Variants in COL5A2 observed in about 807,000 individuals in gnomAD.
COL5A2 encodes the protein collagen type V alpha 2 chain.
In COL5A2, 23 loss-of-function variants were observed where a neutral mutation model predicts 208.2. The observed-to-expected ratio is 0.11, with a 90% CI of 0.08 to 0.16. COL5A2 has a LOEUF of 0.16. Among genes scored for constraint, COL5A2 ranks in the 10% least tolerant of loss-of-function variants. COL5A2 has a pLI of 1.00. For synonymous variants in COL5A2, 625 were observed against 628.5 expected, an observed-to-expected ratio of 0.99 and a Z score of 0.08; for missense variants, 1,590 against 1,956.4, an observed-to-expected ratio of 0.81 and a Z score of 3.53.
intron 3 of COL5A2, 148 bp downstream of exon 3, chr2:189,104,116 G>A: frequency 1.5e-6 from 1 of 661,566 alleles, no homozygotes; most frequent in Non-Finnish European, 2.8e-6. Flanking sequence ...CACAGTAGCT[G>A]AACTGTGCTT....
chr2:189,147,209 C>T (rs1021434256), intron 1 of COL5A2, among the ~76,000 whole-genome samples: 2 of 152,072 alleles, frequency 1.3e-5, no homozygotes, highest in Admixed American at 6.6e-5. Context: ...GCCAAAAATG[C>T]ATTGTTATAT....
the COL5A2 span, among the ~76,000 whole-genome samples, chr2:189,296,307 A>G: frequency 6.6e-6 from 1 of 152,138 alleles, no homozygotes; most frequent in Non-Finnish European, 1.5e-5. Flanking sequence ...TACAGTTTCC[A>G]AATTCTCAAA....
the COL5A2 span, among the ~76,000 whole-genome samples, chr2:189,234,284 A>G: frequency 2.0e-5 from 3 of 151,662 alleles, no homozygotes; most frequent in African/African-American, 7.3e-5. Flanking sequence ...TGAAATCATT[A>G]TTATGGTATT....
the COL5A2 span, among the ~76,000 whole-genome samples, chr2:189,416,644 T>C: frequency 0.033 from 5,091 of 152,270 alleles, 128 homozygotes; most frequent in Non-Finnish European, 0.053. Flanking sequence ...CACACCAACA[T>C]GGCGTATGTA....
chr2:189,253,299 C>T, the COL5A2 span, among the ~76,000 whole-genome samples: 1 of 152,162 alleles, frequency 6.6e-6, no homozygotes, highest in African/African-American at 2.4e-5. Context: ...CTGTCTTGCC[C>T]AATTACTAGT....
At chr2:189,374,562 T>C in the COL5A2 span, among the ~76,000 whole-genome samples, 3 of 152,160 alleles carry the variant, frequency 2.0e-5, no homozygotes, top group Non-Finnish European at 4.4e-5. Flanking sequence ...TTATCAAAGA[T>C]CTACTTTTTA....
chr2:189,342,828 G>T, the COL5A2 span, among the ~76,000 whole-genome samples: 1 of 151,956 alleles, frequency 6.6e-6, no homozygotes, highest in Non-Finnish European at 1.5e-5. Flanking sequence ...AGCAAACACA[G>T]TGTGAAATCA....
the COL5A2 span, among the ~76,000 whole-genome samples, chr2:189,282,055 G>GGC: frequency 1.3e-4 from 20 of 152,098 alleles, no homozygotes; most frequent in Admixed American, 1.3e-3. Context: ...CGTAGTGGTG[G>GGC]GCACCTGTAA....
At chr2:189,077,416 T>C (rs1686431271) in intron 16 of COL5A2, among the ~76,000 whole-genome samples, 2 of 152,156 alleles carry the variant, frequency 1.3e-5, no homozygotes, top group African/African-American at 4.8e-5. Flanking sequence ...GGATACACTG[T>C]CTCGTGATAT....
intron 1 of COL5A2, among the ~76,000 whole-genome samples, chr2:189,209,794 T>C (rs1689189423): frequency 6.6e-6 from 1 of 152,238 alleles, no homozygotes; most frequent in Non-Finnish European, 1.5e-5. Context: ...AAGATCAGTT[T>C]GGGGTTCCTG....
At chr2:189,296,090 A>G in the COL5A2 span, among the ~76,000 whole-genome samples, 1 of 152,248 alleles carries the variant, frequency 6.6e-6, no homozygotes, top group South Asian at 2.1e-4. Context: ...AATTACATCT[A>G]TTCTAGGCTG....
the COL5A2 span, among the ~76,000 whole-genome samples, chr2:189,349,314 G>A: frequency 1.3e-5 from 2 of 152,136 alleles, no homozygotes; most frequent in Non-Finnish European, 2.9e-5. Flanking sequence ...CTGAATGTAT[G>A]CTGAAAATTA....
At chr2:189,353,663 G>A in the COL5A2 span, among the ~76,000 whole-genome samples, 2 of 152,232 alleles carry the variant, frequency 1.3e-5, no homozygotes, top group Non-Finnish European at 2.9e-5. Flanking sequence ...CGCTGAAGGT[G>A]CTTATCAGCT....
chr2:189,034,165 C>T lies in COL5A2; in HGVS notation c.4405G>A (p.Val1469Met). The T allele has an allele frequency of 6.2e-7, 1 of 1,614,012 alleles. No homozygotes were observed. Among genetic ancestry groups the T allele is most frequent in the African/African-American group, 1.3e-5 (1 of 75,014 alleles). Reference protein sequence around the residue: ...KTVFEYRTQNVARLPIIDLAP... With the variant: ...KTVFEYRTQNMARLPIIDLAP... ...AGATCTATGATGGGCAAGCGTGCCA[C>T]ATTCTGTGTTCTATATTCAAAGACA... is the stretch of plus-strand genomic sequence containing the variant. Residue 1469 changes from valine (V) to methionine (M), a missense_variant, in exon 54 of 54, where the codon GTG becomes ATG. Transcript: ENST00000374866.
chr2:189,058,661 T>A, intron 32 of COL5A2, 134 bp from the exon 33 acceptor site: 1 of 976,602 alleles, frequency 1.0e-6, no homozygotes, highest in Non-Finnish European at 1.6e-6. Flanking sequence ...TCTAATTTAG[T>A]GATAAGAAAT....
At chr2:189,250,678 C>T in the COL5A2 span, among the ~76,000 whole-genome samples, 1 of 152,032 alleles carries the variant, frequency 6.6e-6, no homozygotes, top group African/African-American at 2.4e-5. Flanking sequence ...CACTTAATTC[C>T]ATCCCCTATC....
chr2:189,318,833 G>C, the COL5A2 span, among the ~76,000 whole-genome samples: 1 of 152,162 alleles, frequency 6.6e-6, no homozygotes, highest in African/African-American at 2.4e-5. Flanking sequence ...GTTTTGAATA[G>C]TTTTGAATTT....
the COL5A2 span, among the ~76,000 whole-genome samples, chr2:189,437,860 T>C: frequency 1.3e-5 from 2 of 152,192 alleles, no homozygotes; most frequent in African/African-American, 2.4e-5. Context: ...TTATGCAGGG[T>C]AGTGGTGTGA....
At chr2:189,256,694 C>G in the COL5A2 span, among the ~76,000 whole-genome samples, 1 of 152,154 alleles carries the variant, frequency 6.6e-6, no homozygotes, top group African/African-American at 2.4e-5. Flanking sequence ...CTCTGTTGCC[C>G]AGACTGGAGT....
Sources: gnomAD v4.1 joint callset for allele counts (sites outside exome capture counted in the v4.1 genomes callset) on GRCh38, gnomAD v4.1.1 for gene constraint, MANE v1.5 for transcripts, NCBI Gene and HGNC (gene_info 2026-07-23, HGNC 2026-07-21) for gene names.